The following GUCY1A1 variants were observed in gnomAD, a reference collection of about 807,000 sequenced individuals.
The protein encoded by GUCY1A1 is guanylate cyclase soluble subunit alpha-1.
A neutral mutation model predicts 64.5 loss-of-function variants in GUCY1A1; 48 were observed. That is an observed-to-expected ratio of 0.74 (90% CI 0.59 to 0.95). The LOEUF (loss-of-function observed/expected upper bound fraction) is 0.95, where lower values mean the gene tolerates loss of function less well. GUCY1A1 is among the 40% of genes least tolerant of loss of function. The pLI, the probability that GUCY1A1 is intolerant of heterozygous loss-of-function variation, is 0.00. For missense variants in GUCY1A1, 804 were observed against 825.3 expected, an observed-to-expected ratio of 0.97 and a Z score of 0.32; for synonymous variants, 308 against 303.4, an observed-to-expected ratio of 1.02 and a Z score of -0.16.
intron 2 of GUCY1A1, among the ~76,000 whole-genome samples, chr4:155,683,578 G>A (rs1274717921): frequency 6.6e-6 from 1 of 152,144 alleles, no homozygotes; most frequent in South Asian, 2.1e-4. Context: ...AATGAGGAAA[G>A]TTATTTAGAA....
chr4:155,668,482 T>C (rs549526930), intron 2 of GUCY1A1, among the ~76,000 whole-genome samples: 1 of 152,346 alleles, frequency 6.6e-6, no homozygotes, highest in Admixed American at 6.5e-5. Context: ...AGTTCTCCTA[T>C]GGTAATTTCA....
At chr4:155,709,828 G>A (rs1276081464) in intron 5 of GUCY1A1, among the ~76,000 whole-genome samples, 1 of 151,960 alleles carries the variant, frequency 6.6e-6, no homozygotes, top group East Asian at 1.9e-4. Flanking sequence ...GCGAGACTCT[G>A]TCTCAAAGAA....
chr4:155,704,552 C>CG (rs1419250096), intron 4 of GUCY1A1, among the ~76,000 whole-genome samples: 1 of 150,042 alleles, frequency 6.7e-6, no homozygotes, highest in South Asian at 2.1e-4. Flanking sequence ...CTCAGGGTTC[C>CG]GGGGGGTAGC....
chr4:155,717,435 A>G (rs1733406431), intron 8 of GUCY1A1, 133 bp downstream of exon 8: 4 of 477,410 alleles, frequency 8.4e-6, no homozygotes, highest in Non-Finnish European at 1.4e-5. Flanking sequence ...AGAGAACACA[A>G]TCTTCTCTAA....
At chr4:155,724,394 G>C (rs1717931824) in intron 9 of GUCY1A1, among the ~76,000 whole-genome samples, 1 of 152,064 alleles carries the variant, frequency 6.6e-6, no homozygotes, top group Admixed American at 6.6e-5. Context: ...AAAACTGAAA[G>C]AAGTTGTCTA....
rs773160748 is a variant in GUCY1A1 at position 155,703,914 on chromosome 4, T to G, written c.256-18T>G. The G allele has an allele frequency of 3.3e-6, 5 of 1,533,554 alleles. No individual in the cohort carries two copies. The Admixed American group carries it at 7.2e-5, about 22-fold the overall frequency. The allele number at this position is 1,533,554 out of a possible 1,614,324, so 95.0% of individuals were successfully genotyped here. A position where few individuals can be genotyped will look rare whatever the true frequency, so the allele number is the denominator to read the frequency against. Reference sequence around the variant, plus strand: ...ATTATATAAGGGAATGTTTAAAACATTTCTTTTGAACTTTCAGTTTGAACG... The same window carrying G: ...ATTATATAAGGGAATGTTTAAAACAGTTCTTTTGAACTTTCAGTTTGAACG... On this transcript the variant is annotated intron_variant, in intron 3 of 9. Transcript: ENST00000506455.
intron 2 of GUCY1A1, among the ~76,000 whole-genome samples, chr4:155,685,011 C>T (rs1161407874): frequency 6.6e-6 from 1 of 152,100 alleles, no homozygotes; most frequent in Non-Finnish European, 1.5e-5. Flanking sequence ...TAATAATCAC[C>T]ATGATATGTC....
intron 2 of GUCY1A1, among the ~76,000 whole-genome samples, chr4:155,682,118 T>C (rs556061836): frequency 1.3e-5 from 2 of 152,106 alleles, no homozygotes; most frequent in South Asian, 4.1e-4. Flanking sequence ...CCTGCCTCTT[T>C]CCCACAATTT....
At chr4:155,724,146 C>G (rs10029150) in intron 9 of GUCY1A1, among the ~76,000 whole-genome samples, 123,695 of 152,014 alleles carry the variant, frequency 0.81, 50,384 homozygotes, top group African/African-American at 0.87. Context: ...ATTACATTGG[C>G]CCAGCTCCCC....
intron 2 of GUCY1A1, among the ~76,000 whole-genome samples, chr4:155,693,918 G>T (rs1730086800): frequency 6.6e-6 from 1 of 152,076 alleles, no homozygotes; most frequent in Non-Finnish European, 1.5e-5. Flanking sequence ...TAAGTTTAAT[G>T]GAAAGATCTA....
chr4:155,725,906 G>A (rs1354431779), intron 9 of GUCY1A1, among the ~76,000 whole-genome samples: 3 of 151,588 alleles, frequency 2.0e-5, no homozygotes, highest in Non-Finnish European at 1.5e-5. Flanking sequence ...TTATTACTGT[G>A]GTAACACATG....
In GUCY1A1 at chr4:155,711,263, A is replaced by G. The variant is rs1276752847; in HGVS notation, c.1086+12A>G. 5.3e-6 allele frequency: 7 copies of G among 1,331,472 alleles called. No individual in the cohort carries two copies. Among genetic ancestry groups the G allele is most frequent in the Non-Finnish European group, 7.5e-6 (7 of 927,232 alleles). The allele number at this position is 1,331,472 out of a possible 1,614,324, so 82.5% of individuals were successfully genotyped here. A position where few individuals can be genotyped will look rare whatever the true frequency, so the allele number is the denominator to read the frequency against. The stretch of plus-strand genomic sequence containing the variant: ...AAAAATCTTCAAGGGTAAGGAAAAC[A>G]TAATACTATCTTGAATATGAAAGCT... On this transcript the variant is annotated intron_variant, in intron 6 of 9. Transcript: ENST00000506455.
At chr4:155,721,196 C>T (rs541539491) in intron 8 of GUCY1A1, among the ~76,000 whole-genome samples, 19 of 55,824 alleles carry the variant, frequency 3.4e-4, no homozygotes, top group Admixed American at 3.0e-3. Context: ...CCCAGGGGTT[C>T]GAGGTTACAG....
chr4:155,719,819 T>C (rs1733728363), intron 8 of GUCY1A1, among the ~76,000 whole-genome samples: 1 of 152,120 alleles, frequency 6.6e-6, no homozygotes, highest in Non-Finnish European at 1.5e-5. Flanking sequence ...TAGAAGCTTA[T>C]GATGAGAAAT....
In GUCY1A1 at chr4:155,669,575, A is replaced by T. The variant is rs117446820; in HGVS notation, c.-113+2156A>T. Among the ~76,000 whole-genome samples the T allele has an allele frequency of 2.9e-3, 435 of 152,226 alleles. 3 individuals carry two copies. The highest frequency in any genetic ancestry group is 0.019 in the East Asian group (99 of 5,186). On this transcript the variant is annotated intron_variant, in intron 2 of 9. Transcript: ENST00000506455. ...CTTATAACTCTTATAATTATGTCTT[A>T]TTAAGGGATCTTTCTTAAGACATTT...
chr4:155,717,644 C>A (rs1733438055), intron 8 of GUCY1A1, among the ~76,000 whole-genome samples: 1 of 152,062 alleles, frequency 6.6e-6, no homozygotes, highest in Admixed American at 6.6e-5. Flanking sequence ...AAGCTGATTC[C>A]AAAACTATCC....
chr4:155,708,080 A>T (rs1732037490), intron 4 of GUCY1A1, among the ~76,000 whole-genome samples, 156 bp from the exon 5 acceptor site: 1 of 151,884 alleles, frequency 6.6e-6, no homozygotes, highest in South Asian at 2.1e-4. Flanking sequence ...CTTGTGATCC[A>T]CCCACCTCGG....
chr4:155,726,295 T>A (rs993341483), intron 9 of GUCY1A1, among the ~76,000 whole-genome samples: 1 of 152,026 alleles, frequency 6.6e-6, no homozygotes, highest in African/African-American at 2.4e-5. Flanking sequence ...AACAACATTT[T>A]AAATTCCTTT....
chr4:155,725,485 C>G (rs1734534684), intron 9 of GUCY1A1, among the ~76,000 whole-genome samples: 1 of 152,014 alleles, frequency 6.6e-6, no homozygotes, highest in Admixed American at 6.6e-5. Context: ...TCACTGACAC[C>G]TGTGTTTCTC....
Sources: gnomAD v4.1 joint callset for allele counts (sites outside exome capture counted in the v4.1 genomes callset) on GRCh38, gnomAD v4.1.1 for gene constraint, MANE v1.5 for transcripts, NCBI Gene and HGNC (gene_info 2026-07-23, HGNC 2026-07-21) for gene names.